The following RPL37 variants were observed in gnomAD, a reference collection of about 807,000 sequenced individuals.
RPL37 encodes the protein large ribosomal subunit protein eL37.
Under a neutral mutation model 14.8 loss-of-function variants are expected in RPL37, and 1 was observed. The observed-to-expected ratio is 0.07, with a 90% CI of 0.02 to 0.32. The LOEUF is 0.32. Ranked by LOEUF, RPL37 falls within the 10% of genes least tolerant of loss-of-function variation. The probability of loss-of-function intolerance (pLI) is 1.00; values close to 1 mark genes in which losing one functional copy is unlikely to be tolerated. For synonymous variants in RPL37, 53 were observed against 45.8 expected (o/e 1.16, Z -0.63); for missense variants, 100 against 128.3 (o/e 0.78, Z 1.06).
At chr5:40,834,718 C>A in intron 1 of RPL37, 112 bp from the exon 2 acceptor site, 1 of 1,253,402 alleles carries the variant, frequency 8.0e-7, no homozygotes, top group Non-Finnish European at 1.1e-6. Flanking sequence ...AAGATCGAAA[C>A]TGCGGGAGAA....
At position 40,829,917 on chromosome 5, in the gene RPL37, T is replaced by C. The variant is rs1745603729; in HGVS notation, c.*2587A>G. On this transcript the variant is annotated 3_prime_UTR_variant, in exon 4 of 4. Transcript: ENST00000274242. ...CTCGAACTCCCCACCTCACGTGAAC[T>C]GCCCACCTTGGCCTCCCAAAGTGCT... The C allele has an allele frequency of 6.6e-6, 1 of 152,118 alleles. No individual in the cohort carries two copies. The highest frequency in any genetic ancestry group is 1.5e-5 in the Non-Finnish European group (1 of 68,036). 9.4% of individuals were successfully genotyped at this position (152,118 alleles called of 1,614,324 possible).
In RPL37 at chr5:40,825,598, CTAA is replaced by C. The variant is rs1282185435; in HGVS notation, c.*6903_*6905del. 3 of 152,376 alleles carry C rather than the reference CTAA, an allele frequency of 2.0e-5. No homozygotes were observed. Among genetic ancestry groups the C allele is most frequent in the Middle Eastern group, 3.4e-3 (1 of 296 alleles). The allele number at this position is 152,376 out of a possible 1,614,324, so 9.4% of individuals were successfully genotyped here. ...TGACGCAGGGACCATAGTTTCTGCT[CTAA>C]TAACACCTTTTCCACTCTGACGTAG... is the stretch of plus-strand genomic sequence containing the variant. On this transcript the variant is annotated 3_prime_UTR_variant, in exon 4 of 4. Coordinates refer to ENST00000274242, the MANE Select transcript of RPL37 (RefSeq NM_000997.5).
Position 40,826,805 on chromosome 5 carries a change from AG to A in RPL37, c.*5698del, listed in dbSNP as rs1391077234. 1 of 152,232 alleles carries A rather than the reference AG, an allele frequency of 6.6e-6. No homozygotes were observed. The highest frequency in any genetic ancestry group is 1.9e-4 in the East Asian group (1 of 5,196). 9.4% of individuals were successfully genotyped at this position (152,232 alleles called of 1,614,324 possible). A position where few individuals can be genotyped will look rare whatever the true frequency, so the allele number is the denominator to read the frequency against. ...AAGAATTACAGACTTTTCTTGAGAC[AG>A]GGTCTTTGTCATCCAGGCTGGAGTG... On this transcript the variant is annotated 3_prime_UTR_variant, in exon 4 of 4. Coordinates refer to ENST00000274242, the MANE Select transcript of RPL37 (RefSeq NM_000997.5).
Position 40,828,767 on chromosome 5 carries a change from G to A in RPL37, c.*3737C>T, listed in dbSNP as rs1184594819. On this transcript the variant is annotated 3_prime_UTR_variant, in exon 4 of 4. Coordinates refer to ENST00000274242, the MANE Select transcript of RPL37 (RefSeq NM_000997.5). ...GTGACTCCATCCAATTCTAGTTCCT[G>A]GGCTAATTCTGCAACCACTGGAGTC... The A allele has an allele frequency of 6.6e-6, 1 of 152,096 alleles. No individual in the cohort carries two copies. The highest frequency in any genetic ancestry group is 1.5e-5 in the Non-Finnish European group (1 of 68,042). The allele number at this position is 152,096 out of a possible 1,614,324, so 9.4% of individuals were successfully genotyped here.
In RPL37 at chr5:40,828,670, A is replaced by G. The variant is rs1471405468; in HGVS notation, c.*3834T>C. On this transcript the variant is annotated 3_prime_UTR_variant, in exon 4 of 4. Coordinates refer to ENST00000274242, the MANE Select transcript of RPL37 (RefSeq NM_000997.5). Reference sequence around the variant, plus strand: ...TGCCAAATCCAGAATTTTAAAATATATCTTCATTCTCTTTGGCCTCAGCCA... The same window carrying G: ...TGCCAAATCCAGAATTTTAAAATATGTCTTCATTCTCTTTGGCCTCAGCCA... 1.3e-5 allele frequency: 2 copies of G among 152,196 alleles called. No individual in the cohort carries two copies. Among genetic ancestry groups the G allele is most frequent in the Admixed American group, 6.5e-5 (1 of 15,276 alleles). 9.4% of individuals were successfully genotyped at this position (152,196 alleles called of 1,614,324 possible).
rs1325518507 is a variant in RPL37 at position 40,834,253 on chromosome 5, G to A, written c.152C>T (p.Ala51Val). 1.2e-6 allele frequency: 2 copies of A among 1,613,696 alleles called. No individual in the cohort carries two copies. Among genetic ancestry groups the A allele is most frequent in the Non-Finnish European group, 1.7e-6 (2 of 1,179,786 alleles). The stretch of plus-strand genomic sequence containing the variant: ...GGTGGTATTTCGTCTTTTAGCCTTG[G>A]CACTCCAGTTATCTAAAACATAAGT... ...AKRKRKYNWS[A>V]KAKRRNTTGT... The change falls in exon 3 of 4, where the codon GCC becomes GTC. Residue 51 changes from alanine to valine, a missense_variant. By Grantham distance (64) the Ala-to-Val change is moderately conservative. Transcript: ENST00000274242.
rs2112154987 is a variant in RPL37, at chr5:40,831,603, T to C, written c.*901A>G. ...TTTATGTAGCTGTTCCAGCAATTCA[T>C]GTTCCCTTCAACTGCCCCTGCCCTC... On this transcript the variant is annotated 3_prime_UTR_variant, in exon 4 of 4. Transcript: ENST00000274242. 2 of 152,486 alleles carry C rather than the reference T, an allele frequency of 1.3e-5. No individual in the cohort carries two copies. The highest frequency in any genetic ancestry group is 3.8e-4 in the East Asian group (2 of 5,326). 9.4% of individuals were successfully genotyped at this position (152,486 alleles called of 1,614,324 possible). A position where few individuals can be genotyped will look rare whatever the true frequency, so the allele number is the denominator to read the frequency against.
At position 40,825,713 on chromosome 5, in the gene RPL37, CTTT is replaced by C. The variant is rs904711953; in HGVS notation, c.*6788_*6790del. 2 of 152,446 alleles carry C rather than the reference CTTT, an allele frequency of 1.3e-5. No individual in the cohort carries two copies. Among genetic ancestry groups the C allele is most frequent in the Non-Finnish European group, 2.9e-5 (2 of 68,288 alleles). 9.4% of individuals were successfully genotyped at this position (152,446 alleles called of 1,614,324 possible). On this transcript the variant is annotated 3_prime_UTR_variant, in exon 4 of 4. Transcript: ENST00000274242. ...CACCTGGCCTCTTCCTCCTCAGTCA[CTTT>C]TTTCTTTTTTTGAGACAGTCTCGCT...
At chr5:40,834,080 A>C in intron 3 of RPL37, 101 bp downstream of exon 3, 1 of 842,286 alleles carries the variant, frequency 1.2e-6, no homozygotes, top group East Asian at 2.4e-5. Flanking sequence ...CCAACATCTC[A>C]TCCCCAGTAA....
intron 1 of RPL37, 149 bp from the exon 2 acceptor site, chr5:40,834,755 A>T (rs1745726426): frequency 6.9e-6 from 6 of 871,530 alleles, no homozygotes; most frequent in Non-Finnish European, 1.0e-5. Context: ...GCCAAGTCAG[A>T]GACCACTACC....
At position 40,828,526 on chromosome 5, in the gene RPL37, C is replaced by T. The variant is rs145103460; in HGVS notation, c.*3978G>A. On this transcript the variant is annotated 3_prime_UTR_variant, in exon 4 of 4. Transcript: ENST00000274242. ...AACTTCCAAAAGTATCTAGTGTTGTCTTTTAAACTAAACTCCCCATTCCTC... is the reference window on the plus strand; with the variant it reads ...AACTTCCAAAAGTATCTAGTGTTGTTTTTTAAACTAAACTCCCCATTCCTC... The T allele has an allele frequency of 6.6e-6, 1 of 152,272 alleles. No homozygotes were observed. The highest frequency in any genetic ancestry group is 1.9e-4 in the East Asian group (1 of 5,186). The allele number at this position is 152,272 out of a possible 1,614,324, so 9.4% of individuals were successfully genotyped here.
rs568045191 is a variant in RPL37 at position 40,832,698 on chromosome 5, T to C, written c.225-125A>G. 16 of 790,852 alleles carry C rather than the reference T, an allele frequency of 2.0e-5. No homozygotes were observed. The African/African-American group carries it at 2.4e-4, about 12-fold the overall frequency. 49.0% of individuals were successfully genotyped at this position (790,852 alleles called of 1,614,324 possible). ...TGCTGAAATCAATACTGCATTCATA[T>C]GTTCAGACATTTATTTTTACAACAT... On this transcript the variant is annotated intron_variant, in intron 3 of 3. Coordinates refer to ENST00000274242, the MANE Select transcript of RPL37 (RefSeq NM_000997.5).
At chr5:40,834,321 G>C (rs182880876) in intron 2 of RPL37, 56 bp from the exon 3 acceptor site, 446 of 1,574,596 alleles carry the variant, frequency 2.8e-4, no homozygotes, top group East Asian at 7.2e-4. Context: ...CACCTTGTAG[G>C]TGTTGTTAAC....
At position 40,828,743 on chromosome 5, in the gene RPL37, T is replaced by A. The variant is rs1745572078; in HGVS notation, c.*3761A>T. 6.6e-6 allele frequency: 1 copy of A among 152,216 alleles called. No individual in the cohort carries two copies. The highest frequency in any genetic ancestry group is 2.1e-4 in the South Asian group (1 of 4,830). 9.4% of individuals were successfully genotyped at this position (152,216 alleles called of 1,614,324 possible). A position where few individuals can be genotyped will look rare whatever the true frequency, so the allele number is the denominator to read the frequency against. ...AAACAATCCCCTTCCTTGGTTTGTG[T>A]GACTCCATCCAATTCTAGTTCCTGG... On this transcript the variant is annotated 3_prime_UTR_variant, in exon 4 of 4. Coordinates refer to ENST00000274242, the MANE Select transcript of RPL37 (RefSeq NM_000997.5).
Position 40,831,990 on chromosome 5 carries a change from G to A in RPL37, c.*514C>T. Reference sequence around the variant, plus strand: ...TACACACAGCCCACAAGTCAGGTGTGCCAAGTGAGCATTACAGATACTAGG... The same window carrying A: ...TACACACAGCCCACAAGTCAGGTGTACCAAGTGAGCATTACAGATACTAGG... On this transcript the variant is annotated 3_prime_UTR_variant, in exon 4 of 4. Transcript: ENST00000274242. 6.3e-6 allele frequency: 1 copy of A among 159,384 alleles called. No homozygotes were observed. The highest frequency in any genetic ancestry group is 1.4e-5 in the Non-Finnish European group (1 of 71,424). The allele number at this position is 159,384 out of a possible 1,614,324, so 9.9% of individuals were successfully genotyped here.
chr5:40,827,680 C>G lies in RPL37; in HGVS notation c.*4824G>C, dbSNP rs1745547856. On this transcript the variant is annotated 3_prime_UTR_variant, in exon 4 of 4. Transcript: ENST00000274242. ...ATTTTTCCATTGCAACTTTTCTTGT[C>G]AAAACATCCTTCTACTTACAAGGAA... The G allele has an allele frequency of 1.3e-5, 2 of 151,838 alleles. No homozygotes were observed. Among genetic ancestry groups the G allele is most frequent in the Admixed American group, 1.3e-4 (2 of 15,228 alleles). The allele number at this position is 151,838 out of a possible 1,614,324, so 9.4% of individuals were successfully genotyped here. A position where few individuals can be genotyped will look rare whatever the true frequency, so the allele number is the denominator to read the frequency against.
chr5:40,833,562 A>T (rs539489552), intron 3 of RPL37, among the ~76,000 whole-genome samples: 28 of 152,342 alleles, frequency 1.8e-4, no homozygotes, highest in Non-Finnish European at 3.5e-4. Context: ...AGCAGCAACC[A>T]GGGCAATTTT....
chr5:40,828,420 A>C lies in RPL37; in HGVS notation c.*4084T>G, dbSNP rs1745564567. The C allele has an allele frequency of 6.6e-6, 1 of 152,078 alleles. No homozygotes were observed. Among genetic ancestry groups the C allele is most frequent in the Non-Finnish European group, 1.5e-5 (1 of 67,972 alleles). The allele number at this position is 152,078 out of a possible 1,614,324, so 9.4% of individuals were successfully genotyped here. On this transcript the variant is annotated 3_prime_UTR_variant, in exon 4 of 4. Transcript: ENST00000274242. Reference sequence around the variant, plus strand: ...TTTCTGGGCCTAGATAGCTTTTGACACATAGTAGTCACTAAATAGATACTT... The same window carrying C: ...TTTCTGGGCCTAGATAGCTTTTGACCCATAGTAGTCACTAAATAGATACTT...
Position 40,830,523 on chromosome 5 carries a change from AGTCTCACT to A in RPL37, c.*1973_*1980del, listed in dbSNP as rs1469555160. 6.9e-6 allele frequency: 1 copy of A among 145,852 alleles called. No individual in the cohort carries two copies. The highest frequency in any genetic ancestry group is 1.5e-5 in the Non-Finnish European group (1 of 66,936). The allele number at this position is 145,852 out of a possible 1,614,324, so 9.0% of individuals were successfully genotyped here. A position where few individuals can be genotyped will look rare whatever the true frequency, so the allele number is the denominator to read the frequency against. On this transcript the variant is annotated 3_prime_UTR_variant, in exon 4 of 4. Coordinates refer to ENST00000274242, the MANE Select transcript of RPL37 (RefSeq NM_000997.5). Reference sequence around the variant, plus strand: ...GGATTTTTTTTTTTTTTTGAGGTGGAGTCTCACTGTGCCACCAGGCTGGAGCACAGTGG... The same window carrying A: ...GGATTTTTTTTTTTTTTTGAGGTGGAGTGCCACCAGGCTGGAGCACAGTGG...
Sources: gnomAD v4.1 joint callset for allele counts (sites outside exome capture counted in the v4.1 genomes callset) on GRCh38, gnomAD v4.1.1 for gene constraint, MANE v1.5 for transcripts, NCBI Gene and HGNC (gene_info 2026-07-23, HGNC 2026-07-21) for gene names.